Variants in PLCD4 observed in about 807,000 individuals in gnomAD.
PLCD4 encodes the protein phospholipase C delta 4.
Under a neutral mutation model 90.2 loss-of-function variants are expected in PLCD4, and 63 were observed. The ratio of observed to expected loss-of-function variants is 0.70; its 90% CI spans 0.57 to 0.86. The LOEUF (loss-of-function observed/expected upper bound fraction) is 0.86, where lower values mean the gene tolerates loss of function less well. Among genes scored for constraint, PLCD4 ranks in the 40% least tolerant of loss-of-function variants. The probability of loss-of-function intolerance (pLI) is 0.00; values close to 1 mark genes in which losing one functional copy is unlikely to be tolerated. For synonymous variants in PLCD4, 294 were observed against 356.5 expected (o/e 0.82, Z 1.97); for missense variants, 830 against 956.3 (o/e 0.87, Z 1.74).
Position 218,634,992 on chromosome 2 carries a change from C to T in PLCD4, c.1896+362C>T, listed in dbSNP as rs866623891. On this transcript the variant is annotated intron_variant, in intron 13 of 15. Transcript: ENST00000450993. This position sits in a 1 kb window ranked among gnomAD's most constrained non-coding sequence, Gnocchi z 4.0. ...CGATAGCTTACACCTGTAATCCCAGCGCTTTGGAGGCCAAGGCAGGAGGAC... is the reference window on the plus strand; with the variant it reads ...CGATAGCTTACACCTGTAATCCCAGTGCTTTGGAGGCCAAGGCAGGAGGAC... Among the ~76,000 whole-genome samples, 9 of 152,126 alleles carry T rather than the reference C, an allele frequency of 5.9e-5. No individual in the cohort carries two copies. Among genetic ancestry groups the T allele is most frequent in the Non-Finnish European group, 1.0e-4 (7 of 68,014 alleles).
intron 1 of PLCD4, among the ~76,000 whole-genome samples, chr2:218,614,480 C>T (rs1354130359): frequency 6.6e-6 from 1 of 150,714 alleles, no homozygotes; most frequent in African/African-American, 2.4e-5. Flanking sequence ...GACAGAGTCT[C>T]GCTGTGTCGC....
At chr2:218,616,934 A>ATATATATATATG (rs1199144362) in intron 3 of PLCD4, among the ~76,000 whole-genome samples, 8 of 17,440 alleles carry the variant, frequency 4.6e-4, no homozygotes, top group Non-Finnish European at 7.3e-4. Context: ...ATATAGAGAG[A>ATATATATATATG]GAGAGAGAGA....
intron 5 of PLCD4, chr2:218,622,423 G>C (rs1695926887): frequency 7.9e-6 from 3 of 378,310 alleles, no homozygotes; most frequent in Non-Finnish European, 1.4e-5. Context: ...GGATCTATCT[G>C]TCTGTAAAAT....
At chr2:218,609,040 G>A (rs928889798) in intron 1 of PLCD4, among the ~76,000 whole-genome samples, 2 of 151,774 alleles carry the variant, frequency 1.3e-5, no homozygotes, top group Admixed American at 1.3e-4. Flanking sequence ...TACTCGGGAG[G>A]CTGAGGCAGG....
rs1431636158 is a variant in PLCD4 at position 218,616,913 on chromosome 2, TATATATATATATATAGAGAGAGAGAGAG to T, written c.181+853_181+880del. 4.1e-4 allele frequency among the ~76,000 whole-genome samples: 9 copies of T among 22,130 alleles called. 2 individuals carry two copies. The highest frequency in any genetic ancestry group is 8.3e-4 in the Non-Finnish European group (9 of 10,822). The allele number at this position is 22,130 out of a possible 152,430, so 14.5% of individuals were successfully genotyped here. A position where few individuals can be genotyped will look rare whatever the true frequency, so the allele number is the denominator to read the frequency against. ...AGCCATTATTTTATATATATATATA[TATATATATATATATAGAGAGAGAGAGAG>T]AGAGAGAGAGAGAGAGAGAGAGAGA... On this transcript the variant is annotated intron_variant, in intron 3 of 15. Coordinates refer to ENST00000450993, the MANE Select transcript of PLCD4 (RefSeq NM_032726.4).
chr2:218,622,944 C>G, intron 6 of PLCD4, 66 bp downstream of exon 6: 2 of 1,402,210 alleles, frequency 1.4e-6, no homozygotes, highest in Non-Finnish European at 2.0e-6. Context: ...ATTACAAGGT[C>G]CAGAGACAAG....
intron 1 of PLCD4, among the ~76,000 whole-genome samples, chr2:218,611,234 T>C (rs1036869077): frequency 6.6e-6 from 1 of 152,140 alleles, no homozygotes; most frequent in Non-Finnish European, 1.5e-5. Flanking sequence ...TAGTGATTCA[T>C]GAATGGGAGA....
chr2:218,630,857 C>T (rs1696331053), intron 9 of PLCD4, 55 bp downstream of exon 9: 1 of 1,524,512 alleles, frequency 6.6e-7, no homozygotes, highest in Non-Finnish European at 8.8e-7. Context: ...GATTCCGCCA[C>T]CTGGGCTCCT....
chr2:218,622,554 A>T, intron 5 of PLCD4, 93 bp from the exon 6 acceptor site: 1 of 736,216 alleles, frequency 1.4e-6, no homozygotes, highest in Non-Finnish European at 2.2e-6. Flanking sequence ...CCTACTATGT[A>T]CCCAGAAAAA....
intron 1 of PLCD4, among the ~76,000 whole-genome samples, chr2:218,614,160 C>T (rs1391245783): frequency 2.0e-5 from 3 of 151,822 alleles, no homozygotes; most frequent in Admixed American, 2.0e-4. Flanking sequence ...GCTGGGATTA[C>T]AGGTGCACAC....
chr2:218,611,683 C>T (rs2106115514), intron 1 of PLCD4, among the ~76,000 whole-genome samples: 1 of 152,312 alleles, frequency 6.6e-6, no homozygotes, highest in South Asian at 2.1e-4. Flanking sequence ...ACTGCAACCT[C>T]TGCCTCCTGG....
rs769313876 is a variant in PLCD4, at chr2:218,634,129, C to T, written c.1631C>T (p.Thr544Ile). The T allele has an allele frequency of 1.2e-6, 2 of 1,612,036 alleles. No homozygotes were observed. Among genetic ancestry groups the T allele is most frequent in the South Asian group, 1.1e-5 (1 of 90,542 alleles). Reference sequence around the variant, plus strand: ...GGCAATGAGTTTGTGCAGCACAATACTTGGCAGTTAAGCCGTGTGTATCCC... The same window carrying T: ...GGCAATGAGTTTGTGCAGCACAATATTTGGCAGTTAAGCCGTGTGTATCCC... ...EAGNEFVQHNTWQLSRVYPSG... is the reference protein window; with the variant it reads ...EAGNEFVQHNIWQLSRVYPSG... The change falls in exon 12 of 16, where the codon ACT becomes ATT. Residue 544 changes from threonine to isoleucine, a missense_variant. Physicochemically the swap from Thr to Ile is moderately conservative, Grantham distance 89. Coordinates refer to ENST00000450993, the MANE Select transcript of PLCD4 (RefSeq NM_032726.4). The surrounding 1 kb of genome is among the most constrained non-coding windows in gnomAD (Gnocchi z 4.0).
Position 218,634,222 on chromosome 2 carries a change from G to A in PLCD4, c.1723+1G>A, listed in dbSNP as rs963630711. On this transcript the variant is annotated splice_donor_variant, in intron 12 of 15. Transcript: ENST00000450993. LOFTEE classifies it high-confidence loss of function. This position sits in a 1 kb window ranked among gnomAD's most constrained non-coding sequence, Gnocchi z 4.0. ...CTCTGGAATGCAGGCTGCCAGATGG[G>A]TGAGGAGGCAGCAGGGACTGGGAAG... The A allele has an allele frequency of 6.2e-7, 1 of 1,607,868 alleles. No homozygotes were observed. The highest frequency in any genetic ancestry group is 8.5e-7 in the Non-Finnish European group (1 of 1,176,980).
chr2:218,625,133 G>C (rs832800), intron 6 of PLCD4, among the ~76,000 whole-genome samples: 2 of 108,266 alleles, frequency 1.8e-5, no homozygotes, highest in African/African-American at 3.7e-5. Flanking sequence ...AAAAAAAAAA[G>C]AAAGAAAGAA....
intron 6 of PLCD4, among the ~76,000 whole-genome samples, chr2:218,624,009 C>T (rs1404283517): frequency 2.0e-5 from 3 of 152,158 alleles, no homozygotes; most frequent in Non-Finnish European, 4.4e-5. Context: ...AATACAATGA[C>T]CTGTTGAAAT....
chr2:218,637,035 G>T lies in PLCD4; in HGVS notation c.*458G>T, dbSNP rs969568150. 2.5e-6 allele frequency: 1 copy of T among 406,974 alleles called. No individual in the cohort carries two copies. Among genetic ancestry groups the T allele is most frequent in the Non-Finnish European group, 4.8e-6 (1 of 206,264 alleles). 25.2% of individuals were successfully genotyped at this position (406,974 alleles called of 1,614,324 possible). On this transcript the variant is annotated 3_prime_UTR_variant, in exon 16 of 16. Transcript: ENST00000450993. ...AGGGAAGGATAAATCAAGGCTCAAG[G>T]CTTCCCCAGCAAAGATTAGGGAAAG...
At chr2:218,625,385 C>T (rs1029064241) in intron 6 of PLCD4, among the ~76,000 whole-genome samples, 2 of 152,058 alleles carry the variant, frequency 1.3e-5, no homozygotes, top group African/African-American at 2.4e-5. Flanking sequence ...TTTGTTTCGA[C>T]CCCGACCCCT....
intron 6 of PLCD4, among the ~76,000 whole-genome samples, chr2:218,625,389 G>A (rs1401664970): frequency 6.6e-6 from 1 of 151,996 alleles, no homozygotes; most frequent in African/African-American, 2.4e-5. Flanking sequence ...TTTCGACCCC[G>A]ACCCCTCTTG....
At position 218,632,322 on chromosome 2, in the gene PLCD4, G is replaced by A. The variant is rs749638286; in HGVS notation, c.1449+10G>A. 39 of 1,598,590 alleles carry A rather than the reference G, an allele frequency of 2.4e-5. No individual in the cohort carries two copies. The highest frequency in any genetic ancestry group is 2.0e-4 in the South Asian group (18 of 88,280). On this transcript the variant is annotated intron_variant, in intron 10 of 15. Transcript: ENST00000450993. The stretch of plus-strand genomic sequence containing the variant: ...TAAGGACAAAAAGAAGGTAAGCCAG[G>A]AGTGGTCTTTCTGCTGTGGTATTTA...
Sources: allele counts gnomAD v4.1 joint callset (sites outside exome capture counted in the v4.1 genomes callset), GRCh38; gene constraint gnomAD v4.1.1; non-coding constraint Gnocchi (gnomAD v3.1); transcripts MANE v1.5; gene names NCBI Gene and HGNC (gene_info 2026-07-23, HGNC 2026-07-21).